The following G2E3 variants were observed in gnomAD, a reference collection of about 807,000 sequenced individuals.
G2E3 encodes G2/M phase-specific E3 ubiquitin-protein ligase.
G2E3 carries 35 observed loss-of-function variants against 92.8 expected under a neutral mutation model. The observed-to-expected ratio is 0.38, with a 90% CI of 0.29 to 0.50. The LOEUF (loss-of-function observed/expected upper bound fraction) is 0.50. G2E3 is among the 20% of genes least tolerant of loss of function. The pLI is 0.94. For synonymous variants in G2E3, 242 were observed against 272.4 expected, an observed-to-expected ratio of 0.89 and a Z score of 1.10; for missense variants, 554 against 823.8, an observed-to-expected ratio of 0.67 and a Z score of 4.01.
intron 8 of G2E3, among the ~76,000 whole-genome samples, chr14:30,601,084 T>A (rs1224190340): frequency 6.6e-6 from 1 of 151,954 alleles, no homozygotes; most frequent in African/African-American, 2.4e-5. Flanking sequence ...ACCTCTGGGG[T>A]AGGGATGATA....
intron 4 of G2E3, among the ~76,000 whole-genome samples, chr14:30,591,591 A>T (rs1881015259): frequency 1.3e-5 from 2 of 152,112 alleles, no homozygotes; most frequent in African/African-American, 4.8e-5. Context: ...CAACCTTTGG[A>T]GTACCTTGGC....
intron 3 of G2E3, among the ~76,000 whole-genome samples, chr14:30,587,287 C>T (rs2138837235): frequency 6.6e-6 from 1 of 152,232 alleles, no homozygotes; most frequent in East Asian, 1.9e-4. Context: ...TTATGTATCA[C>T]TCAGAAGAAA....
chr14:30,560,015 C>A (rs148969508), intron 1 of G2E3: 3 of 152,214 alleles, frequency 2.0e-5, no homozygotes, highest in Non-Finnish European at 4.4e-5. Flanking sequence ...TTTTCGCCTC[C>A]CTCATTCATT....
In G2E3 at chr14:30,612,292, T is replaced by G. The variant is rs775501762; in HGVS notation, c.1586T>G (p.Leu529Arg). ...NYLELIGCLR[L>R]ITTLSDKYML... Reference sequence around the variant, plus strand: ...CTTGAGTTAATTGGATGTCTCAGACTTATAACGACATTAAGTGATAAATAT... The same window carrying G: ...CTTGAGTTAATTGGATGTCTCAGACGTATAACGACATTAAGTGATAAATAT... The change falls in exon 13 of 15, where the codon CTT becomes CGT. Residue 529 changes from leucine to arginine, a missense_variant. Physicochemically the swap from Leu to Arg is moderately radical, Grantham distance 102. Coordinates refer to ENST00000206595, the MANE Select transcript of G2E3 (RefSeq NM_017769.5). 6.2e-7 allele frequency: 1 copy of G among 1,605,050 alleles called. No homozygotes were observed. The highest frequency in any genetic ancestry group is 8.5e-7 in the Non-Finnish European group (1 of 1,172,676).
intron 2 of G2E3, among the ~76,000 whole-genome samples, chr14:30,586,415 A>G (rs1195471281): frequency 6.6e-6 from 1 of 152,188 alleles, no homozygotes; most frequent in Admixed American, 6.5e-5. Flanking sequence ...AATTAATTCT[A>G]ACAGTTTTTG....
intron 2 of G2E3, among the ~76,000 whole-genome samples, chr14:30,584,909 G>T (rs984569452): frequency 1.4e-5 from 2 of 143,556 alleles, no homozygotes; most frequent in African/African-American, 5.2e-5. Flanking sequence ...GCTCACCACT[G>T]CAACCTCCAC....
At chr14:30,599,949 T>C (rs1023284061) in intron 8 of G2E3, among the ~76,000 whole-genome samples, 10 of 152,206 alleles carry the variant, frequency 6.6e-5, no homozygotes, top group African/African-American at 2.2e-4. Context: ...TACTCTTTTG[T>C]AATGTCAGTG....
Position 30,562,993 on chromosome 14 carries a change from G to A in G2E3, c.-5+3721G>A, listed in dbSNP as rs866564029. On this transcript the variant is annotated intron_variant, in intron 1 of 14. Coordinates refer to ENST00000206595, the MANE Select transcript of G2E3 (RefSeq NM_017769.5). Reference sequence around the variant, plus strand: ...TAAATATCAGCACAGCCTGGCATTTGGGGCCACTACCAGTCTCCGTGTCTT... The same window carrying A: ...TAAATATCAGCACAGCCTGGCATTTAGGGCCACTACCAGTCTCCGTGTCTT... 4.8e-4 allele frequency among the ~76,000 whole-genome samples: 73 copies of A among 152,146 alleles called. 1 individual carries two copies. In the Middle Eastern group the frequency reaches 0.014, roughly 28 times the overall value.
intron 10 of G2E3, among the ~76,000 whole-genome samples, chr14:30,603,869 A>G (rs1040406174): frequency 6.6e-6 from 1 of 152,238 alleles, no homozygotes; most frequent in African/African-American, 2.4e-5. Flanking sequence ...TTAAAACCTT[A>G]GAAGATAGTA....
rs113634547 is a variant in G2E3, at chr14:30,617,255, CAAAA to C, written c.*729_*732del. ...TGGCAATGTAGCAAAGACTCCATCTCAAAAAAAAAAACAGAATTGCACAAATTTT... is the reference window on the plus strand; with the variant it reads ...TGGCAATGTAGCAAAGACTCCATCTCAAAAAAACAGAATTGCACAAATTTT... On this transcript the variant is annotated 3_prime_UTR_variant, in exon 15 of 15. Coordinates refer to ENST00000206595, the MANE Select transcript of G2E3 (RefSeq NM_017769.5). 2 of 139,658 alleles carry C rather than the reference CAAAA, an allele frequency of 1.4e-5. No homozygotes were observed. Among genetic ancestry groups the C allele is most frequent in the African/African-American group, 5.3e-5 (2 of 38,034 alleles). The allele number at this position is 139,658 out of a possible 1,614,324, so 8.7% of individuals were successfully genotyped here. A position where few individuals can be genotyped will look rare whatever the true frequency, so the allele number is the denominator to read the frequency against.
intron 10 of G2E3, chr14:30,602,958 A>G (rs953436622): frequency 6.6e-6 from 1 of 152,170 alleles, no homozygotes; most frequent in African/African-American, 2.4e-5. Flanking sequence ...TGTCAATGGC[A>G]GGAGTCTAAA....
At chr14:30,595,871 A>G (rs1019473221) in intron 6 of G2E3, among the ~76,000 whole-genome samples, 1 of 152,196 alleles carries the variant, frequency 6.6e-6, no homozygotes, top group South Asian at 2.1e-4. Flanking sequence ...GAAACTGGTA[A>G]AAACTTTCCA....
chr14:30,575,233 G>A (rs778063013), intron 1 of G2E3, among the ~76,000 whole-genome samples: 2 of 152,046 alleles, frequency 1.3e-5, no homozygotes, highest in African/African-American at 4.8e-5. Flanking sequence ...CTTTTGAGAA[G>A]TATCTGCTTA....
chr14:30,579,248 A>G (rs1031812915), intron 1 of G2E3, among the ~76,000 whole-genome samples: 1 of 152,118 alleles, frequency 6.6e-6, no homozygotes, highest in African/African-American at 2.4e-5. Flanking sequence ...GAAAAATAGT[A>G]CTCTAGACCT....
chr14:30,572,231 G>T (rs879597881), intron 1 of G2E3, among the ~76,000 whole-genome samples: 8 of 152,054 alleles, frequency 5.3e-5, no homozygotes, highest in Non-Finnish European at 1.2e-4. Flanking sequence ...TTATAAATAT[G>T]TTGGTAGGAT....
chr14:30,568,853 G>T (rs1345153177), intron 1 of G2E3, among the ~76,000 whole-genome samples: 2 of 151,972 alleles, frequency 1.3e-5, no homozygotes, highest in African/African-American at 4.8e-5. Flanking sequence ...AATACTACTG[G>T]CTTTTATATT....
chr14:30,584,646 C>T (rs1236246578), intron 2 of G2E3, among the ~76,000 whole-genome samples: 1 of 152,066 alleles, frequency 6.6e-6, no homozygotes, highest in East Asian at 1.9e-4. Flanking sequence ...TGATATTAAG[C>T]ATCTTTTAAT....
At chr14:30,596,513 A>G (rs906429669) in intron 6 of G2E3, among the ~76,000 whole-genome samples, 1 of 152,126 alleles carries the variant, frequency 6.6e-6, no homozygotes, top group Admixed American at 6.5e-5. Flanking sequence ...AACTTCATAT[A>G]TATTATTCCC....
At chr14:30,594,955 C>T (rs1428100200) in intron 6 of G2E3, among the ~76,000 whole-genome samples, 2 of 151,234 alleles carry the variant, frequency 1.3e-5, no homozygotes, top group Non-Finnish European at 2.9e-5. Context: ...ATGGTGAAAC[C>T]CTTTCTCTAC....
Sources: gnomAD v4.1 joint callset for allele counts (sites outside exome capture counted in the v4.1 genomes callset) on GRCh38, gnomAD v4.1.1 for gene constraint, MANE v1.5 for transcripts, NCBI Gene and HGNC (gene_info 2026-07-23, HGNC 2026-07-21) for gene names.